The following ZP2 variants were observed in gnomAD, a reference collection of about 807,000 sequenced individuals.
ZP2 encodes the protein zona pellucida glycoprotein 2.
ZP2 carries 51 observed loss-of-function variants against 84.0 expected under a neutral mutation model. The observed-to-expected ratio is 0.61, with a 90% confidence interval of 0.49 to 0.77. ZP2 has a LOEUF of 0.77. Among genes scored for constraint, ZP2 ranks in the 30% least tolerant of loss-of-function variants. ZP2 has a pLI of 0.00. For synonymous variants in ZP2, 375 were observed against 330.9 expected, an observed-to-expected ratio of 1.13 and a Z score of -1.45; for missense variants, 909 against 911.9, an observed-to-expected ratio of 1.00 and a Z score of 0.04.
At chr16:21,212,870 G>T (rs2093280102), upstream of ZP2, among the ~76,000 whole-genome samples, 2 of 152,118 alleles carry the variant, frequency 1.3e-5, no homozygotes, top group South Asian at 4.2e-4. Context: ...GATTTCCTGA[G>T]GCCTGATGGT....
chr16:21,207,514 G>A (rs114492603), intron 4 of ZP2, among the ~76,000 whole-genome samples: 295 of 152,228 alleles, frequency 1.9e-3, no homozygotes, highest in African/African-American at 6.6e-3. Flanking sequence ...GCTGGGCATG[G>A]TGGCTCATTG....
At position 21,197,461 on chromosome 16, in the gene ZP2, GCTTT is replaced by G. The variant is rs780522632; in HGVS notation, c.*15_*18del. On this transcript the variant is annotated 3_prime_UTR_variant, in exon 19 of 19. Transcript: ENST00000574091. ...GGAAGGCAAGAGGCTTATTTTGACT[GCTTT>G]ATTTAGAAGCCCATTTAGTGATTTG... 22 of 1,613,638 alleles carry G rather than the reference GCTTT, an allele frequency of 1.4e-5. No homozygotes were observed. The highest frequency in any genetic ancestry group is 3.3e-4 in the Middle Eastern group (2 of 6,078).
At chr16:21,211,600 T>G, upstream of ZP2, 1 of 1,613,158 alleles carries the variant, frequency 6.2e-7, no homozygotes, top group Non-Finnish European at 8.5e-7. Context: ...CTCTGTGTTT[T>G]TATAGCAGGA....
chr16:21,208,548 C>T (rs2093260530), intron 4 of ZP2, among the ~76,000 whole-genome samples: 1 of 152,184 alleles, frequency 6.6e-6, no homozygotes, highest in South Asian at 2.1e-4. Flanking sequence ...CTATGTCCAA[C>T]TAGTCAAACC....
At position 21,210,863 on chromosome 16, in the gene ZP2, C is replaced by T. The variant is rs930017270; in HGVS notation, c.151+444G>A. On this transcript the variant is annotated intron_variant, in intron 2 of 18. Coordinates refer to ENST00000574091, the MANE Select transcript of ZP2 (RefSeq NM_001376232.1). Reference sequence around the variant, plus strand: ...GTTCTGGGATTACAGGCGTGAGCCCCGGCGCCTGGCTGCATTTTTTTTTTT... The same window carrying T: ...GTTCTGGGATTACAGGCGTGAGCCCTGGCGCCTGGCTGCATTTTTTTTTTT... Among the ~76,000 whole-genome samples the T allele has an allele frequency of 2.7e-5, 4 of 150,060 alleles. 1 individual carries two copies. The highest frequency in any genetic ancestry group is 4.2e-4 in the South Asian group (2 of 4,732).
intron 2 of ZP2, among the ~76,000 whole-genome samples, chr16:21,210,600 G>A (rs914699437): frequency 7.2e-5 from 11 of 151,924 alleles, no homozygotes; most frequent in East Asian, 1.9e-4. Context: ...ATTTTGAGAC[G>A]GAGTCTCTCT....
intron 2 of ZP2, 75 bp from the exon 3 acceptor site, chr16:21,210,267 C>T: frequency 1.7e-6 from 2 of 1,177,336 alleles, no homozygotes; most frequent in Non-Finnish European, 2.5e-6. Context: ...ATAGACTCCT[C>T]TCAGATGGGA....
In ZP2 at chr16:21,198,786, T is replaced by C; in HGVS notation, c.2004A>G (p.Ser668=). The change falls in exon 17 of 19, where the codon TCA becomes TCG. Residue 668 remains serine (S), a synonymous_variant. Coordinates refer to ENST00000574091, the MANE Select transcript of ZP2 (RefSeq NM_001376232.1). ...GPILLLSDDS[S]FRGVGSSDLK... ...CAGGCTTTAGGTCCATACCTCTGAA[T>C]GAGGAGTCATCTGACAACAGGAGAA... 1.9e-6 allele frequency: 3 copies of C among 1,613,986 alleles called. No individual in the cohort carries two copies. The highest frequency in any genetic ancestry group is 2.2e-5 in the South Asian group (2 of 91,038).
At chr16:21,199,436 G>A (rs1405527085) in intron 16 of ZP2, 134 bp downstream of exon 16, 1 of 727,478 alleles carries the variant, frequency 1.4e-6, no homozygotes, top group Non-Finnish European at 2.1e-6. Context: ...ACTGGACCAA[G>A]TTTTGACTGG....
At position 21,207,285 on chromosome 16, in the gene ZP2, C is replaced by T. The variant is rs2093254220; in HGVS notation, c.331-295G>A. 2.0e-5 allele frequency among the ~76,000 whole-genome samples: 3 copies of T among 152,236 alleles called. No individual in the cohort carries two copies. The South Asian group carries it at 6.2e-4, about 32-fold the overall frequency. ...GCTGAATGGGGTTGGTATGGGGCTT[C>T]TACCCAGGTTATCTGAATACTTGTT... On this transcript the variant is annotated intron_variant, in intron 4 of 18. Coordinates refer to ENST00000574091, the MANE Select transcript of ZP2 (RefSeq NM_001376232.1).
chr16:21,201,139 C>G (rs535725997), intron 14 of ZP2, among the ~76,000 whole-genome samples: 1 of 150,600 alleles, frequency 6.6e-6, no homozygotes, highest in South Asian at 2.1e-4. Flanking sequence ...GCAGGGGCTA[C>G]AGTGAGCTAA....
chr16:21,210,950 G>A lies in ZP2; in HGVS notation c.151+357C>T, dbSNP rs376625318. On this transcript the variant is annotated intron_variant, in intron 2 of 18. Coordinates refer to ENST00000574091, the MANE Select transcript of ZP2 (RefSeq NM_001376232.1). ...TCTGCAGCCTCTGGCTCAGGTGAAC[G>A]TCAAGTGAGCAGCTCCAGTTTTGCT... 1.6e-4 allele frequency among the ~76,000 whole-genome samples: 24 copies of A among 151,420 alleles called. No individual in the cohort carries two copies. The South Asian group carries it at 3.8e-3, about 24-fold the overall frequency.
At chr16:21,210,868 C>T (rs1439535725) in intron 2 of ZP2, among the ~76,000 whole-genome samples, 1 of 149,448 alleles carries the variant, frequency 6.7e-6, no homozygotes, top group African/African-American at 2.5e-5. Context: ...AGCCCCGGCG[C>T]CTGGCTGCAT....
chr16:21,211,800 A>G (rs2093276619), upstream of ZP2: 1 of 1,424,470 alleles, frequency 7.0e-7, no homozygotes, highest in Non-Finnish European at 9.2e-7. Flanking sequence ...AGGTGAGTGA[A>G]TTGGTGTTTT....
At chr16:21,207,458 A>G (rs1331460817) in intron 4 of ZP2, among the ~76,000 whole-genome samples, 1 of 152,092 alleles carries the variant, frequency 6.6e-6, no homozygotes, top group Non-Finnish European at 1.5e-5. Flanking sequence ...GCCACATGAA[A>G]TCCATAGCAT....
At position 21,209,656 on chromosome 16, in the gene ZP2, G is replaced by T; in HGVS notation, c.305C>A (p.Thr102Asn). ...LDPEKLTLRA[T>N]YDNCTRRVHG... Reference sequence around the variant, plus strand: ...CACTCTCCTGGTACAGTTATCATAGGTAGCCCTCAGGGTGAGCTTTTCTGG... The same window carrying T: ...CACTCTCCTGGTACAGTTATCATAGTTAGCCCTCAGGGTGAGCTTTTCTGG... Residue 102 changes from threonine (T) to asparagine (N), a missense_variant, in exon 4 of 19, where the codon ACC (threonine) becomes AAC (asparagine). Coordinates refer to ENST00000574091, the MANE Select transcript of ZP2 (RefSeq NM_001376232.1). 1 of 1,614,160 alleles carries T rather than the reference G, an allele frequency of 6.2e-7. No homozygotes were observed.
rs774164840 is a variant in ZP2, at chr16:21,203,239, AT to A, written c.984del (p.Lys328AsnfsTer9). The A allele has an allele frequency of 1.9e-6, 3 of 1,613,684 alleles. No individual in the cohort carries two copies. Among genetic ancestry groups the A allele is most frequent in the Non-Finnish European group, 2.5e-6 (3 of 1,179,780 alleles). ...GCTAAGTAGAACTGATGGAGTAGGC[AT>A]TTTTCAGATAACTGAAATGAGAAAA... is the stretch of plus-strand genomic sequence containing the variant. ...KTLLKTKLSEKCLLHQFYLAS... is the reference protein window; with the variant it reads ...KTLLKTKLSEXCLLHQFYLAS... On this transcript the variant is annotated frameshift_variant, in exon 10 of 19. Transcript: ENST00000574091. LOFTEE classifies it high-confidence loss of function.
rs1215115456 is a variant in ZP2, at chr16:21,210,248, C to CA, written c.152-57dup. 4 of 1,387,446 alleles carry CA rather than the reference C, an allele frequency of 2.9e-6. No homozygotes were observed. In the African/African-American group the frequency reaches 5.7e-5, roughly 20 times the overall value. 85.9% of individuals were successfully genotyped at this position (1,387,446 alleles called of 1,614,324 possible). On this transcript the variant is annotated intron_variant, in intron 2 of 18. Coordinates refer to ENST00000574091, the MANE Select transcript of ZP2 (RefSeq NM_001376232.1). ...TGAGTCATGAGTGATGCAACTCCTA[C>CA]AAAAGTGTATAGACTCCTCTCAGAT...
rs2093266328 is a variant in ZP2, at chr16:21,209,800, C to T, written c.236-75G>A. On this transcript the variant is annotated intron_variant, in intron 3 of 18. Coordinates refer to ENST00000574091, the MANE Select transcript of ZP2 (RefSeq NM_001376232.1). ...ACAGTCCAAAGCTATAGAGTCAAGA[C>T]CACCAGTCCATTTCTAAGGTACTTC... is the stretch of plus-strand genomic sequence containing the variant. 23 of 1,310,746 alleles carry T rather than the reference C, an allele frequency of 1.8e-5. No homozygotes were observed. The South Asian group carries it at 2.5e-4, about 14-fold the overall frequency. 81.2% of individuals were successfully genotyped at this position (1,310,746 alleles called of 1,614,324 possible).
Sources: allele counts gnomAD v4.1 joint callset (sites outside exome capture counted in the v4.1 genomes callset), GRCh38; gene constraint gnomAD v4.1.1; transcripts MANE v1.5; gene names NCBI Gene and HGNC (gene_info 2026-07-23, HGNC 2026-07-21).